ASPH: variants seen among roughly 807,000 people sequenced by gnomAD.
ASPH encodes the protein aspartyl/asparaginyl beta-hydroxylase.
In ASPH, 100 loss-of-function variants were observed where a neutral mutation model predicts 118.4. The observed-to-expected ratio is 0.84, with a 90% CI of 0.72 to 1.00. The LOEUF is 1.00. Ranked by LOEUF, ASPH falls within the 50% of genes least tolerant of loss-of-function variation. ASPH has a pLI of 0.00. For missense variants in ASPH, 920 were observed against 919.5 expected, an observed-to-expected ratio of 1.00 and a Z score of -0.01; for synonymous variants, 315 against 325.6, an observed-to-expected ratio of 0.97 and a Z score of 0.35.
chr8:61,712,508 T>A (rs1057503242), intron 1 of ASPH, among the ~76,000 whole-genome samples: 1 of 152,200 alleles, frequency 6.6e-6, no homozygotes, highest in Admixed American at 6.5e-5. Context: ...TCACGGGCAT[T>A]CCTCCCTTTT....
chr8:61,618,013 A>T lies in ASPH; in HGVS notation c.976+965T>A, dbSNP rs531773199. On this transcript the variant is annotated intron_variant, in intron 14 of 24. Transcript: ENST00000379454. ...GGAGTGAGACTTGGGGATATGAAGT[A>T]GTAGGGAAGAGGACTGCTGCTATTC... 7.2e-5 allele frequency among the ~76,000 whole-genome samples: 11 copies of T among 152,128 alleles called. No homozygotes were observed. The South Asian group carries it at 2.3e-3, about 32-fold the overall frequency.
chr8:61,664,847 G>C (rs965612253), intron 3 of ASPH: 11 of 989,932 alleles, frequency 1.1e-5, no homozygotes, highest in Non-Finnish European at 1.3e-5. Context: ...AGAAAACAAC[G>C]AGCAAATCCA....
chr8:61,525,478 T>C (rs1814969487), intron 22 of ASPH, among the ~76,000 whole-genome samples: 1 of 152,166 alleles, frequency 6.6e-6, no homozygotes, highest in African/African-American at 2.4e-5. Flanking sequence ...AGACAGCAGT[T>C]ATTATTGTCT....
chr8:61,533,395 AG>A (rs1485057708), intron 21 of ASPH, among the ~76,000 whole-genome samples: 1 of 152,056 alleles, frequency 6.6e-6, no homozygotes, highest in Non-Finnish European at 1.5e-5. Context: ...AGTATATTAG[AG>A]GTATTATTTT....
At chr8:61,552,974 T>C in intron 20 of ASPH, 57 bp downstream of exon 20, 1 of 1,370,232 alleles carries the variant, frequency 7.3e-7, no homozygotes. Flanking sequence ...CTAGAAATAA[T>C]TATTCTCCCA....
chr8:61,665,432 T>C, intron 3 of ASPH: 3 of 1,600,164 alleles, frequency 1.9e-6, no homozygotes, highest in Non-Finnish European at 2.6e-6. Flanking sequence ...TTTCTCTTTT[T>C]CTCTGTCCTT....
At chr8:61,573,177 G>C (rs1833977695) in intron 16 of ASPH, among the ~76,000 whole-genome samples, 1 of 152,122 alleles carries the variant, frequency 6.6e-6, no homozygotes, top group Non-Finnish European at 1.5e-5. Flanking sequence ...ACCTCTTCAA[G>C]GAGAACTACA....
chr8:61,599,243 T>G (rs1486263949), intron 14 of ASPH, among the ~76,000 whole-genome samples: 1 of 152,026 alleles, frequency 6.6e-6, no homozygotes, highest in Non-Finnish European at 1.5e-5. Context: ...CAACACATGT[T>G]CTCATTCATA....
At chr8:61,677,406 A>T (rs576683282) in intron 3 of ASPH, among the ~76,000 whole-genome samples, 4 of 152,132 alleles carry the variant, frequency 2.6e-5, no homozygotes, top group Non-Finnish European at 5.9e-5. Flanking sequence ...ATCCATGACC[A>T]CTGAGCTTTT....
chr8:61,622,959 G>A (rs1422555626), intron 13 of ASPH, among the ~76,000 whole-genome samples: 1 of 152,172 alleles, frequency 6.6e-6, no homozygotes, highest in Non-Finnish European at 1.5e-5. Flanking sequence ...TAGAACCCCA[G>A]GGGCTTCTTC....
At chr8:61,590,422 C>T (rs1422794460) in intron 14 of ASPH, among the ~76,000 whole-genome samples, 1 of 152,084 alleles carries the variant, frequency 6.6e-6, no homozygotes, top group Non-Finnish European at 1.5e-5. Context: ...CCCATCTGCA[C>T]CAGTGAAGGA....
intron 15 of ASPH, among the ~76,000 whole-genome samples, chr8:61,577,786 C>T (rs930828048): frequency 2.6e-5 from 4 of 152,172 alleles, no homozygotes; most frequent in Non-Finnish European, 2.9e-5. Context: ...GGGGAAACTG[C>T]CCCCTTGATC....
intron 14 of ASPH, among the ~76,000 whole-genome samples, chr8:61,591,855 T>C (rs1841243495): frequency 6.6e-6 from 1 of 152,218 alleles, no homozygotes; most frequent in Non-Finnish European, 1.5e-5. Flanking sequence ...AGGGTGTTCC[T>C]AAGAGTTTTA....
chr8:61,593,326 G>A (rs1266235011), intron 14 of ASPH, among the ~76,000 whole-genome samples: 1 of 152,178 alleles, frequency 6.6e-6, no homozygotes, highest in Non-Finnish European at 1.5e-5. Context: ...AGAAGAAGAA[G>A]TAAATTTGGG....
At chr8:61,592,024 C>A (rs184323785) in intron 14 of ASPH, among the ~76,000 whole-genome samples, 1 of 152,186 alleles carries the variant, frequency 6.6e-6, no homozygotes, top group South Asian at 2.1e-4. Context: ...TTAGACATTA[C>A]ACAGACACAT....
At chr8:61,573,994 A>C (rs189186425) in intron 16 of ASPH, among the ~76,000 whole-genome samples, 16 of 152,336 alleles carry the variant, frequency 1.1e-4, no homozygotes, top group Admixed American at 9.1e-4. Context: ...AACTTAAACA[A>C]ATTTACAAGA....
chr8:61,625,496 T>C (rs1429394040), intron 13 of ASPH: 3 of 985,234 alleles, frequency 3.0e-6, no homozygotes, highest in Non-Finnish European at 3.6e-6. Flanking sequence ...ATAGCTATTA[T>C]ATGATTAATC....
chr8:61,639,866 CCT>C (rs1337716042), intron 10 of ASPH, among the ~76,000 whole-genome samples: 3 of 152,184 alleles, frequency 2.0e-5, no homozygotes, highest in East Asian at 1.9e-4. Context: ...AAGAGCACCC[CCT>C]GTCACCAGGC....
rs1328188219 is a variant in ASPH at position 61,714,507 on chromosome 8, G to A, written c.-136C>T. The A allele has an allele frequency of 2.4e-6, 3 of 1,251,084 alleles. No homozygotes were observed. Among genetic ancestry groups the A allele is most frequent in the South Asian group, 2.0e-5 (1 of 49,692 alleles). The allele number at this position is 1,251,084 out of a possible 1,614,324, so 77.5% of individuals were successfully genotyped here. A position where few individuals can be genotyped will look rare whatever the true frequency, so the allele number is the denominator to read the frequency against. ...CCGCTGCTCCTGCAGCAGACCCTGT[G>A]CCTCAGCACCGCCTGCAGCACCTGG... On this transcript the variant is annotated 5_prime_UTR_variant, in exon 1 of 25. Coordinates refer to ENST00000379454, the MANE Select transcript of ASPH (RefSeq NM_004318.4).
Sources: allele counts gnomAD v4.1 joint callset (sites outside exome capture counted in the v4.1 genomes callset), GRCh38; gene constraint gnomAD v4.1.1; transcripts MANE v1.5; gene names NCBI Gene and HGNC (gene_info 2026-07-23, HGNC 2026-07-21).